RFFL: variants seen among roughly 807,000 people sequenced by gnomAD.
The protein encoded by RFFL is ring finger and FYVE like domain containing E3 ubiquitin protein ligase.
A neutral mutation model predicts 40.4 loss-of-function variants in RFFL; 16 were observed. The observed-to-expected ratio is 0.40, with a 90% CI of 0.27 to 0.60. The LOEUF is 0.60. RFFL is among the 20% of genes least tolerant of loss of function. The pLI is 0.47. For synonymous variants in RFFL, 154 were observed against 167.9 expected, an observed-to-expected ratio of 0.92 and a Z score of 0.64; for missense variants, 367 against 451.7, an observed-to-expected ratio of 0.81 and a Z score of 1.70.
intron 1 of RFFL, among the ~76,000 whole-genome samples, chr17:35,030,847 A>G (rs1455921398): frequency 2.0e-5 from 3 of 151,422 alleles, no homozygotes; most frequent in Admixed American, 6.6e-5. Flanking sequence ...GTCCTGCTCT[A>G]CTTACTTAAG....
At chr17:35,021,346 G>A in intron 3 of RFFL, 25 bp downstream of exon 3, 1 of 1,514,488 alleles carries the variant, frequency 6.6e-7, no homozygotes, top group Non-Finnish European at 8.8e-7. Context: ...GCACAGACTG[G>A]CAGAGACTAC....
intron 1 of RFFL, among the ~76,000 whole-genome samples, chr17:35,034,874 C>T (rs2091110498): frequency 6.6e-6 from 1 of 152,120 alleles, no homozygotes; most frequent in East Asian, 1.9e-4. Context: ...GTACTGGAAA[C>T]ACCAAAAGTG....
chr17:35,054,207 C>T (rs1481895015), intron 1 of RFFL, among the ~76,000 whole-genome samples: 4 of 152,202 alleles, frequency 2.6e-5, no homozygotes, highest in African/African-American at 4.8e-5. Flanking sequence ...CCTCTCTAAC[C>T]GTGTAGAGGT....
chr17:35,013,220 G>C (rs2090951808), intron 6 of RFFL, among the ~76,000 whole-genome samples: 1 of 152,240 alleles, frequency 6.6e-6, no homozygotes, highest in Admixed American at 6.5e-5. Context: ...ACCCAGGCAG[G>C]CTGGCCCCAC....
chr17:35,077,020 T>C, intron 1 of RFFL: 1 of 288,080 alleles, frequency 3.5e-6, no homozygotes, highest in Non-Finnish European at 7.1e-6. Flanking sequence ...ATTTCAACAA[T>C]TAGTAACACA....
chr17:35,033,428 T>G (rs925371956), intron 1 of RFFL, among the ~76,000 whole-genome samples: 1 of 151,876 alleles, frequency 6.6e-6, no homozygotes, highest in African/African-American at 2.4e-5. Context: ...CTGGGGAAGC[T>G]GAGACAAGAG....
At chr17:35,081,399 T>C (rs1358345338) in intron 1 of RFFL, among the ~76,000 whole-genome samples, 1 of 152,194 alleles carries the variant, frequency 6.6e-6, no homozygotes, top group African/African-American at 2.4e-5. Flanking sequence ...TCACATCAGG[T>C]TGGAAACACT....
intron 1 of RFFL, among the ~76,000 whole-genome samples, chr17:35,082,522 T>C (rs1403446233): frequency 6.6e-6 from 1 of 152,242 alleles, no homozygotes. Context: ...CTAATTGTCC[T>C]GTGACTCATT....
At chr17:35,055,681 C>A (rs2339124) in intron 1 of RFFL, among the ~76,000 whole-genome samples, 91,452 of 138,344 alleles carry the variant, frequency 0.66, 30,823 homozygotes, top group African/African-American at 0.85. Flanking sequence ...CAAAAAAAAA[C>A]AAACAAACAA....
At chr17:35,059,061 C>T (rs1225414174) in intron 1 of RFFL, among the ~76,000 whole-genome samples, 3 of 149,442 alleles carry the variant, frequency 2.0e-5, no homozygotes, top group African/African-American at 7.4e-5. Context: ...CTCTGTCACC[C>T]AGGTTGGAGT....
chr17:35,030,326 T>C (rs1331055749), intron 1 of RFFL, among the ~76,000 whole-genome samples: 1 of 149,838 alleles, frequency 6.7e-6, no homozygotes, highest in East Asian at 1.9e-4. Context: ...AAAGTGTTCC[T>C]ATTTCTCCAC....
At chr17:35,044,851 C>T in intron 1 of RFFL, among the ~76,000 whole-genome samples, 1 of 150,312 alleles carries the variant, frequency 6.7e-6, no homozygotes, top group East Asian at 2.0e-4. Context: ...GAAACCTTTC[C>T]TGATCCTGTC....
chr17:35,056,178 T>C (rs1026086942), intron 1 of RFFL, among the ~76,000 whole-genome samples: 6 of 152,034 alleles, frequency 3.9e-5, no homozygotes, highest in Non-Finnish European at 4.4e-5. Flanking sequence ...TACACTTGAA[T>C]TCCCCTTACA....
intron 1 of RFFL, among the ~76,000 whole-genome samples, chr17:35,077,692 G>A (rs1464735261): frequency 6.6e-6 from 1 of 152,196 alleles, no homozygotes; most frequent in Admixed American, 6.5e-5. Flanking sequence ...AACCAGCAAG[G>A]AGGCACCCTG....
intron 1 of RFFL, among the ~76,000 whole-genome samples, chr17:35,084,511 T>C (rs1409181637): frequency 6.6e-6 from 1 of 152,084 alleles, no homozygotes; most frequent in Non-Finnish European, 1.5e-5. Context: ...GGCACATCAC[T>C]TGAACCTGGG....
chr17:35,065,375 G>C (rs1030260926), upstream of RFFL, among the ~76,000 whole-genome samples: 12 of 151,998 alleles, frequency 7.9e-5, no homozygotes, highest in South Asian at 2.1e-4. Context: ...AACCAACATG[G>C]AGAAACCCCC....
intron 1 of RFFL, among the ~76,000 whole-genome samples, chr17:35,042,823 CAAAAA>C (rs11296826): frequency 6.6e-5 from 4 of 60,450 alleles, no homozygotes; most frequent in Non-Finnish European, 1.1e-4. Flanking sequence ...GACTCCATCT[CAAAAA>C]AAAAAAAAAA....
Position 35,011,260 on chromosome 17 carries a change from C to G in RFFL, c.*708G>C, listed in dbSNP as rs1229468905. ...AACAAATTTCCCAGCAGTTTGGGAG[C>G]CTGATGTTTTGTTGGCTCCCAGAGT... On this transcript the variant is annotated 3_prime_UTR_variant, in exon 7 of 7. Coordinates refer to ENST00000394597, the MANE Select transcript of RFFL (RefSeq NM_001017368.2). 6.6e-6 allele frequency: 1 copy of G among 152,204 alleles called. No individual in the cohort carries two copies. The highest frequency in any genetic ancestry group is 1.5e-5 in the Non-Finnish European group (1 of 68,050). The allele number at this position is 152,204 out of a possible 1,614,324, so 9.4% of individuals were successfully genotyped here.
intron 1 of RFFL, among the ~76,000 whole-genome samples, chr17:35,049,241 C>G (rs765040478): frequency 6.6e-6 from 1 of 152,098 alleles, no homozygotes; most frequent in Admixed American, 6.6e-5. Flanking sequence ...TACCCTTTTG[C>G]TCCTGGAATT....
Sources: allele counts gnomAD v4.1 joint callset (sites outside exome capture counted in the v4.1 genomes callset), GRCh38; gene constraint gnomAD v4.1.1; transcripts MANE v1.5; gene names NCBI Gene and HGNC (gene_info 2026-07-23, HGNC 2026-07-21).